GRIP1: variants seen among roughly 807,000 people sequenced by gnomAD.
The protein encoded by GRIP1 is glutamate receptor interacting protein 1, also known as glutamate receptor-interacting protein 1.
A neutral mutation model predicts 129.9 loss-of-function variants in GRIP1; 45 were observed. The observed-to-expected ratio is 0.35, with a 90% confidence interval of 0.27 to 0.44. The LOEUF is 0.44. GRIP1 is among the 20% of genes least tolerant of loss of function. GRIP1 has a pLI of 1.00. For synonymous variants in GRIP1, 530 were observed against 520.8 expected (o/e 1.02, Z -0.24); for missense variants, 1,196 against 1,396.8 (o/e 0.86, Z 2.29).
chr12:66,661,096 A>AT (rs2033473725), intron 1 of GRIP1, among the ~76,000 whole-genome samples: 1 of 152,104 alleles, frequency 6.6e-6, no homozygotes, highest in African/African-American at 2.4e-5. Context: ...CGACAGAAAC[A>AT]TGCTTAAGTT....
intron 1 of GRIP1, among the ~76,000 whole-genome samples, chr12:66,819,734 C>T (rs1326510317): frequency 6.6e-6 from 1 of 152,160 alleles, no homozygotes; most frequent in Non-Finnish European, 1.5e-5. Flanking sequence ...ACTACTCTAT[C>T]CTAATAACAA....
intron 1 of GRIP1, among the ~76,000 whole-genome samples, chr12:67,004,241 C>A (rs1423582313): frequency 1.3e-5 from 2 of 152,254 alleles, no homozygotes; most frequent in South Asian, 2.1e-4. Context: ...CAGTACGACA[C>A]TTAAAATGTC....
chr12:66,450,303 C>CA (rs143013040), intron 11 of GRIP1, among the ~76,000 whole-genome samples: 428 of 26,818 alleles, frequency 0.016, 59 homozygotes, highest in Admixed American at 0.025. Context: ...GACTCCATCT[C>CA]AAAAAAAAAA....
upstream of GRIP1, among the ~76,000 whole-genome samples, chr12:66,807,632 C>T (rs551735740): frequency 1.3e-5 from 2 of 152,108 alleles, no homozygotes; most frequent in East Asian, 3.9e-4. Flanking sequence ...AGAGACCCCG[C>T]CACTGCACTC....
At chr12:66,505,728 A>G (rs2060509251) in intron 7 of GRIP1, among the ~76,000 whole-genome samples, 1 of 152,206 alleles carries the variant, frequency 6.6e-6, no homozygotes, top group African/African-American at 2.4e-5. Flanking sequence ...AGTTTGTTGG[A>G]ATGTATAGCT....
chr12:66,910,538 T>C (rs1405329541), intron 1 of GRIP1, among the ~76,000 whole-genome samples: 2 of 151,686 alleles, frequency 1.3e-5, no homozygotes, highest in Non-Finnish European at 2.9e-5. Context: ...TCATACAACC[T>C]TTCCAGCTTA....
intron 1 of GRIP1, among the ~76,000 whole-genome samples, chr12:66,869,798 C>T (rs1254940801): frequency 6.6e-6 from 1 of 152,094 alleles, no homozygotes. Flanking sequence ...CAAAAACTTC[C>T]AAGTATCATG....
chr12:66,354,809 G>A (rs538837539), intron 23 of GRIP1, among the ~76,000 whole-genome samples: 29 of 152,202 alleles, frequency 1.9e-4, no homozygotes, highest in Non-Finnish European at 3.2e-4. Flanking sequence ...CATTCTGAAG[G>A]CAATATGAAA....
chr12:66,588,462 T>C (rs1313924114), intron 2 of GRIP1, among the ~76,000 whole-genome samples: 4 of 152,178 alleles, frequency 2.6e-5, no homozygotes, highest in East Asian at 1.9e-4. Flanking sequence ...AGGCTTCTGC[T>C]CACCTCACAC....
At chr12:66,465,552 C>T in intron 7 of GRIP1, 130 bp from the exon 8 acceptor site, 1 of 750,144 alleles carries the variant, frequency 1.3e-6, no homozygotes, top group East Asian at 2.7e-5. Flanking sequence ...GATTTCCCTC[C>T]ATATAATATC....
intron 1 of GRIP1, among the ~76,000 whole-genome samples, chr12:66,747,327 T>C (rs1290287214): frequency 2.6e-5 from 4 of 152,158 alleles, no homozygotes; most frequent in Non-Finnish European, 4.4e-5. Context: ...CTAATAACCA[T>C]AGCACTGCTG....
chr12:67,023,791 G>A (rs773072241), intron 1 of GRIP1, among the ~76,000 whole-genome samples: 1 of 152,098 alleles, frequency 6.6e-6, no homozygotes, highest in Non-Finnish European at 1.5e-5. Context: ...AGGCTCCAGC[G>A]GACCAGGAAC....
intron 1 of GRIP1, among the ~76,000 whole-genome samples, chr12:67,044,777 G>A (rs963752236): frequency 2.0e-5 from 3 of 152,018 alleles, no homozygotes; most frequent in Non-Finnish European, 4.4e-5. Flanking sequence ...TTAAAGAATT[G>A]TACAAAATAT....
intron 2 of GRIP1, among the ~76,000 whole-genome samples, chr12:66,574,154 G>C (rs141840100): frequency 6.6e-6 from 1 of 152,156 alleles, no homozygotes; most frequent in Non-Finnish European, 1.5e-5. Flanking sequence ...GAGATGCCTC[G>C]TCTTCTTCCT....
chr12:66,705,009 A>G (rs2035478051), intron 1 of GRIP1, among the ~76,000 whole-genome samples: 1 of 152,032 alleles, frequency 6.6e-6, no homozygotes, highest in South Asian at 2.1e-4. Flanking sequence ...AGCTCCATGA[A>G]GGTCTTCTGC....
At chr12:66,514,910 T>C (rs1025762584) in intron 7 of GRIP1, among the ~76,000 whole-genome samples, 3 of 152,166 alleles carry the variant, frequency 2.0e-5, no homozygotes, top group Admixed American at 6.6e-5. Flanking sequence ...ACTCACAGCA[T>C]GATTTAAGTT....
chr12:67,016,077 A>G (rs1356192070), intron 1 of GRIP1, among the ~76,000 whole-genome samples: 1 of 152,200 alleles, frequency 6.6e-6, no homozygotes, highest in Non-Finnish European at 1.5e-5. Flanking sequence ...CCTTCATGTC[A>G]TTTGTACTGC....
chr12:66,672,420 C>A (rs1404650781), intron 1 of GRIP1, among the ~76,000 whole-genome samples: 1 of 151,922 alleles, frequency 6.6e-6, no homozygotes, highest in East Asian at 1.9e-4. Flanking sequence ...ATGGCAAGGT[C>A]AAAGTTTCCT....
intron 1 of GRIP1, among the ~76,000 whole-genome samples, chr12:66,901,488 A>C (rs756084049): frequency 6.6e-6 from 1 of 152,246 alleles, no homozygotes; most frequent in Admixed American, 6.5e-5. Context: ...AAATCACATT[A>C]TATATTTTGA....
Sources: gnomAD v4.1 joint callset for allele counts (sites outside exome capture counted in the v4.1 genomes callset) on GRCh38, gnomAD v4.1.1 for gene constraint, MANE v1.5 for transcripts, NCBI Gene and HGNC (gene_info 2026-07-23, HGNC 2026-07-21) for gene names.